Variants in ARMC6 observed in about 807,000 individuals in gnomAD.
ARMC6 encodes the protein armadillo repeat containing 6.
In ARMC6, 43 loss-of-function variants were observed where a neutral mutation model predicts 49.2. That is an observed-to-expected ratio of 0.87 (90% CI 0.69 to 1.13). The LOEUF is 1.13. Among genes scored for constraint, ARMC6 ranks in the 50% most tolerant of loss-of-function variants. ARMC6 has a pLI of 0.00. For synonymous variants in ARMC6, 262 were observed against 289.6 expected, an observed-to-expected ratio of 0.90 and a Z score of 0.97; for missense variants, 627 against 682.0, an observed-to-expected ratio of 0.92 and a Z score of 0.90.
Position 19,055,397 on chromosome 19 carries a change from G to T in ARMC6, c.1155+1G>T. Reference sequence around the variant, plus strand: ...GACCCAGCATCTGACCAGCCCCCAGGTACCCACCTCGGGGGGCACACACAG... The same window carrying T: ...GACCCAGCATCTGACCAGCCCCCAGTTACCCACCTCGGGGGGCACACACAG... On this transcript the variant is annotated splice_donor_variant, in intron 7 of 8. Coordinates refer to ENST00000535612, the MANE Select transcript of ARMC6 (RefSeq NM_001199196.2). LOFTEE classifies it high-confidence loss of function. The surrounding 1 kb of genome is among the most constrained non-coding windows in gnomAD (Gnocchi z 5.7). The T allele has an allele frequency of 6.2e-7, 1 of 1,600,384 alleles. No individual in the cohort carries two copies. The highest frequency in any genetic ancestry group is 8.5e-7 in the Non-Finnish European group (1 of 1,173,706).
intron 4 of ARMC6, among the ~76,000 whole-genome samples, chr19:19,047,665 C>T (rs1452004597): frequency 6.6e-6 from 1 of 152,196 alleles, no homozygotes; most frequent in Admixed American, 6.5e-5. Context: ...ATTTTAGCAA[C>T]CATCTGTCAA....
intron 4 of ARMC6, 104 bp from the exon 5 acceptor site, chr19:19,051,518 C>G (rs574363934): frequency 9.1e-7 from 1 of 1,099,832 alleles, no homozygotes; most frequent in African/African-American, 1.6e-5. Context: ...CACTGCAGGC[C>G]CAGATCCCAG....
intron 2 of ARMC6, among the ~76,000 whole-genome samples, chr19:19,038,741 T>C (rs1463796386): frequency 1.3e-5 from 2 of 151,966 alleles, no homozygotes; most frequent in Non-Finnish European, 2.9e-5. Flanking sequence ...AATTTTTGTA[T>C]ATTTAGTAGA....
chr19:19,054,202 C>G lies in ARMC6; in HGVS notation c.904C>G (p.Arg302Gly). The G allele has an allele frequency of 6.2e-7, 1 of 1,611,494 alleles. No homozygotes were observed. The highest frequency in any genetic ancestry group is 8.5e-7 in the Non-Finnish European group (1 of 1,178,856). ...GAGCGAGCTCTGTGGAACCCTGTCC[C>G]GCCTGGCCATTCGCAACGAGTTCTG... ...ILSELCGTLS[R>G]LAIRNEFCQE... Residue 302 changes from arginine (R) to glycine (G), a missense_variant, in exon 6 of 9, where the codon CGC (arginine) becomes GGC (glycine). Arg to Gly is a moderately radical substitution (Grantham distance 125). Coordinates refer to ENST00000535612, the MANE Select transcript of ARMC6 (RefSeq NM_001199196.2).
At position 19,051,817 on chromosome 19, in the gene ARMC6, C is replaced by T. The variant is rs746323241; in HGVS notation, c.475C>T (p.Leu159Phe). 2 of 1,614,066 alleles carry T rather than the reference C, an allele frequency of 1.2e-6. No homozygotes were observed. The highest frequency in any genetic ancestry group is 2.7e-5 in the African/African-American group (2 of 75,074). Residue 159 changes from leucine to phenylalanine, a missense_variant, in exon 5 of 9, where the codon CTC (leucine) becomes TTC (phenylalanine). Coordinates refer to ENST00000535612, the MANE Select transcript of ARMC6 (RefSeq NM_001199196.2). ...AGDQGLLLQS[L>F]NALSVLTDGQ... ...TGACCAGGGCCTTCTGCTCCAGTCC[C>T]TCAATGCCCTGTCGGTGCTGACTGA...
chr19:19,046,760 G>T (rs910726743), intron 4 of ARMC6, among the ~76,000 whole-genome samples: 1 of 152,110 alleles, frequency 6.6e-6, no homozygotes, highest in Non-Finnish European at 1.5e-5. Context: ...CTCCCAAAGT[G>T]TTGGGGTTAT....
At chr19:19,044,964 C>CT (rs2059437497) in intron 4 of ARMC6, among the ~76,000 whole-genome samples, 1 of 152,122 alleles carries the variant, frequency 6.6e-6, no homozygotes, top group Admixed American at 6.5e-5. Flanking sequence ...TGTTAGTTTG[C>CT]TTTTTGCCTT....
In ARMC6 at chr19:19,055,396, G is replaced by C; in HGVS notation, c.1155G>C (p.Gln385His). ...AAMTQHLTSP[Q>H]VCEQSCAALC... ...TGACCCAGCATCTGACCAGCCCCCAGGTACCCACCTCGGGGGGCACACACA... is the reference window on the plus strand; with the variant it reads ...TGACCCAGCATCTGACCAGCCCCCACGTACCCACCTCGGGGGGCACACACA... Residue 385 changes from glutamine to histidine, a missense_variant and splice_region_variant, in exon 7 of 9, where the codon CAG becomes CAC. Gln to His is a conservative substitution (Grantham distance 24). Transcript: ENST00000535612. This position sits in a 1 kb window ranked among gnomAD's most constrained non-coding sequence, Gnocchi z 5.7. The C allele has an allele frequency of 6.2e-7, 1 of 1,600,952 alleles. No homozygotes were observed. The highest frequency in any genetic ancestry group is 1.1e-5 in the South Asian group (1 of 89,562).
chr19:19,035,559 T>C (rs1281356158), intron 2 of ARMC6, among the ~76,000 whole-genome samples: 1 of 152,170 alleles, frequency 6.6e-6, no homozygotes, highest in Non-Finnish European at 1.5e-5. Flanking sequence ...TAGGGGACCT[T>C]GGAGGACTCA....
chr19:19,037,823 C>A, intron 2 of ARMC6: 1 of 456,036 alleles, frequency 2.2e-6, no homozygotes, highest in Non-Finnish European at 3.3e-6. Context: ...TAGGTTCACT[C>A]GTACCCTGTC....
At chr19:19,050,372 A>G (rs1370836298) in intron 4 of ARMC6, among the ~76,000 whole-genome samples, 2 of 152,300 alleles carry the variant, frequency 1.3e-5, no homozygotes, top group African/African-American at 2.4e-5. Context: ...GATGGGTCAC[A>G]CAGTAATTCT....
At chr19:19,053,125 G>A (rs2059512810) in intron 5 of ARMC6, among the ~76,000 whole-genome samples, 1 of 152,134 alleles carries the variant, frequency 6.6e-6, no homozygotes, top group Non-Finnish European at 1.5e-5. Context: ...AAACACCTCA[G>A]TTTCCTTCTA....
At chr19:19,040,789 A>C (rs1354144014) in intron 2 of ARMC6, 4 of 443,042 alleles carry the variant, frequency 9.0e-6, no homozygotes, top group Non-Finnish European at 1.8e-5. Context: ...CTGGGATTAC[A>C]GACGTGAGCC....
intron 4 of ARMC6, among the ~76,000 whole-genome samples, chr19:19,049,721 C>T (rs190290766): frequency 2.0e-5 from 3 of 152,284 alleles, no homozygotes; most frequent in African/African-American, 4.8e-5. Flanking sequence ...ACTCCAGGAC[C>T]TCATATAAAT....
Position 19,055,912 on chromosome 19 carries a change from A to AT in ARMC6, c.1277_1278insT (p.Gln426HisfsTer33). Reference sequence around the variant, plus strand: ...CTGCAGGCCATGAAGGCACACCCGCAGAAGGCCGGCGTGCAGGTGGGCAGG... The same window carrying AT: ...CTGCAGGCCATGAAGGCACACCCGCATGAAGGCCGGCGTGCAGGTGGGCAGG... On this transcript the variant is annotated frameshift_variant, in exon 8 of 9. Coordinates refer to ENST00000535612, the MANE Select transcript of ARMC6 (RefSeq NM_001199196.2). LOFTEE classifies it high-confidence loss of function. This position sits in a 1 kb window ranked among gnomAD's most constrained non-coding sequence, Gnocchi z 5.7. 6.2e-7 allele frequency: 1 copy of AT among 1,611,046 alleles called. No homozygotes were observed. Among genetic ancestry groups the AT allele is most frequent in the Non-Finnish European group, 8.5e-7 (1 of 1,179,296 alleles).
At position 19,033,696 on chromosome 19, in the gene ARMC6, G is replaced by C; in HGVS notation, c.-314G>C. On this transcript the variant is annotated 5_prime_UTR_variant, in exon 1 of 9. Transcript: ENST00000535612. Reference sequence around the variant, plus strand: ...TTCCCTGCTGGGGGCGGCGACCACCGTGAGCGTCCCGGAAGGGGCGGCAAA... The same window carrying C: ...TTCCCTGCTGGGGGCGGCGACCACCCTGAGCGTCCCGGAAGGGGCGGCAAA... 3.6e-6 allele frequency: 1 copy of C among 275,846 alleles called. No individual in the cohort carries two copies. The highest frequency in any genetic ancestry group is 6.7e-6 in the Non-Finnish European group (1 of 148,240). 17.1% of individuals were successfully genotyped at this position (275,846 alleles called of 1,614,324 possible). A position where few individuals can be genotyped will look rare whatever the true frequency, so the allele number is the denominator to read the frequency against.
intron 2 of ARMC6, among the ~76,000 whole-genome samples, chr19:19,037,099 C>T (rs1261739368): frequency 5.9e-5 from 9 of 152,086 alleles, no homozygotes; most frequent in African/African-American, 1.2e-4. Flanking sequence ...GCACAAGAAT[C>T]GCTTGAACCC....
chr19:19,055,407 CG>C lies in ARMC6; in HGVS notation c.1155+17del. The C allele has an allele frequency of 1.3e-6, 2 of 1,592,494 alleles. No homozygotes were observed. Among genetic ancestry groups the C allele is most frequent in the Non-Finnish European group, 1.7e-6 (2 of 1,170,056 alleles). ...CTGACCAGCCCCCAGGTACCCACCT[CG>C]GGGGGCACACACAGTAGCAGGGTGG... On this transcript the variant is annotated intron_variant, in intron 7 of 8. Transcript: ENST00000535612. The surrounding 1 kb of genome is among the most constrained non-coding windows in gnomAD (Gnocchi z 5.7).
At chr19:19,047,915 T>G (rs1376851383) in intron 4 of ARMC6, among the ~76,000 whole-genome samples, 2 of 152,126 alleles carry the variant, frequency 1.3e-5, no homozygotes, top group Non-Finnish European at 2.9e-5. Flanking sequence ...ATAGACACAT[T>G]TAAAGATTTT....
Sources: allele counts gnomAD v4.1 joint callset (sites outside exome capture counted in the v4.1 genomes callset), GRCh38; gene constraint gnomAD v4.1.1; non-coding constraint Gnocchi (gnomAD v3.1); transcripts MANE v1.5; gene names NCBI Gene and HGNC (gene_info 2026-07-23, HGNC 2026-07-21).